The following RBFOX1 variants were observed in gnomAD, a reference collection of about 807,000 sequenced individuals.
The protein encoded by RBFOX1 is RNA binding fox-1 homolog 1, also known as RNA binding protein fox-1 homolog 1.
A neutral mutation model predicts 57.7 loss-of-function variants in RBFOX1; 8 were observed. The ratio of observed to expected loss-of-function variants is 0.14; its 90% CI spans 0.08 to 0.25. The LOEUF is 0.25. RBFOX1 is among the 10% of genes least tolerant of loss of function. RBFOX1 has a pLI of 1.00. For synonymous variants in RBFOX1, 326 were observed against 222.4 expected, an observed-to-expected ratio of 1.47 and a Z score of -4.15; for missense variants, 611 against 548.5, an observed-to-expected ratio of 1.11 and a Z score of -1.14.
intron 1 of RBFOX1, among the ~76,000 whole-genome samples, chr16:6,185,203 AT>A (rs1214127171): frequency 6.6e-6 from 1 of 152,174 alleles, no homozygotes; most frequent in Non-Finnish European, 1.5e-5. Flanking sequence ...ATTTAAAAAA[AT>A]TACCCTGTGA....
At chr16:7,129,104 C>A (rs918457301) in intron 4 of RBFOX1, among the ~76,000 whole-genome samples, 3 of 152,074 alleles carry the variant, frequency 2.0e-5, no homozygotes, top group Non-Finnish European at 4.4e-5. Flanking sequence ...CAGGTGTGAG[C>A]CACGGCACGC....
At chr16:6,183,300 G>A (rs1598151244) in intron 1 of RBFOX1, among the ~76,000 whole-genome samples, 1 of 151,754 alleles carries the variant, frequency 6.6e-6, no homozygotes, top group Non-Finnish European at 1.5e-5. Flanking sequence ...GTAACAAGGT[G>A]AAACCCTGTC....
At chr16:5,917,142 A>G (rs1166690350) in intron 4 of RBFOX1, among the ~76,000 whole-genome samples, 1 of 152,192 alleles carries the variant, frequency 6.6e-6, no homozygotes. Flanking sequence ...CCTCTGCTTT[A>G]GACAACCGCT....
At chr16:5,316,387 A>G (rs1477679349) in intron 1 of RBFOX1, among the ~76,000 whole-genome samples, 1 of 152,206 alleles carries the variant, frequency 6.6e-6, no homozygotes, top group East Asian at 1.9e-4. Context: ...TGCCCAGCAC[A>G]CTGCCCAGAA....
intron 3 of RBFOX1, among the ~76,000 whole-genome samples, chr16:6,951,606 G>C (rs1468727558): frequency 4.6e-5 from 7 of 152,012 alleles, no homozygotes; most frequent in African/African-American, 1.5e-4. Flanking sequence ...CTCTCCATGT[G>C]GTTTTTTCTC....
chr16:6,027,392 C>G (rs980118607), intron 1 of RBFOX1, among the ~76,000 whole-genome samples: 1 of 152,130 alleles, frequency 6.6e-6, no homozygotes, highest in African/African-American at 2.4e-5. Flanking sequence ...AGCAGAGGCA[C>G]CATGATAAGG....
At chr16:6,202,064 A>G (rs944478900) in intron 1 of RBFOX1, among the ~76,000 whole-genome samples, 1 of 152,206 alleles carries the variant, frequency 6.6e-6, no homozygotes, top group African/African-American at 2.4e-5. Context: ...AACTGCATTA[A>G]AAACAAAACA....
intron 3 of RBFOX1, among the ~76,000 whole-genome samples, chr16:6,911,130 A>G (rs6500871): frequency 0.76 from 115,578 of 151,122 alleles, 44,431 homozygotes; most frequent in East Asian, 0.93. Flanking sequence ...GAACCTGGGA[A>G]GTGGAAGTTG....
intron 14 of RBFOX1, among the ~76,000 whole-genome samples, chr16:7,700,020 G>C (rs917699863): frequency 2.6e-5 from 4 of 152,098 alleles, no homozygotes; most frequent in Admixed American, 2.6e-4. Flanking sequence ...TGGTGCTGTA[G>C]AGGGACATTC....
At chr16:5,993,267 T>C (rs1350794219) in intron 4 of RBFOX1, among the ~76,000 whole-genome samples, 7 of 152,138 alleles carry the variant, frequency 4.6e-5, no homozygotes, top group African/African-American at 1.7e-4. Flanking sequence ...AATTTCTCTT[T>C]CTTTTTGTAG....
At chr16:5,672,172 G>A (rs1332627034) in intron 3 of RBFOX1, among the ~76,000 whole-genome samples, 1 of 152,140 alleles carries the variant, frequency 6.6e-6, no homozygotes, top group African/African-American at 2.4e-5. Context: ...TGGCAGGGAT[G>A]GAAGGATTCC....
At chr16:7,417,105 C>T (rs1482812080) in intron 4 of RBFOX1, among the ~76,000 whole-genome samples, 2 of 152,156 alleles carry the variant, frequency 1.3e-5, no homozygotes, top group East Asian at 1.9e-4. Context: ...CATGGTGGCT[C>T]ACACCTGTAA....
chr16:6,806,233 G>A (rs920465654), intron 3 of RBFOX1, among the ~76,000 whole-genome samples: 1 of 152,172 alleles, frequency 6.6e-6, no homozygotes, highest in Non-Finnish European at 1.5e-5. Context: ...TCTATAGCCA[G>A]TATTTGTTTT....
chr16:5,405,849 G>A (rs990086372), intron 1 of RBFOX1, among the ~76,000 whole-genome samples: 19 of 152,122 alleles, frequency 1.2e-4, no homozygotes, highest in African/African-American at 4.3e-4. Flanking sequence ...TTCTATTTTT[G>A]AGTGTAGTTG....
At chr16:6,543,733 G>T (rs1014488204) in intron 2 of RBFOX1, among the ~76,000 whole-genome samples, 2 of 152,056 alleles carry the variant, frequency 1.3e-5, no homozygotes, top group Non-Finnish European at 2.9e-5. Flanking sequence ...TCACACCGAA[G>T]CATCTTAGAA....
chr16:6,873,396 T>A (rs529962867), intron 3 of RBFOX1, among the ~76,000 whole-genome samples: 27 of 152,126 alleles, frequency 1.8e-4, no homozygotes, highest in Admixed American at 1.8e-3. Context: ...GTAAGCAGAA[T>A]GCAATTAAAG....
chr16:5,982,888 A>T lies in RBFOX1; in HGVS notation c.351+115553A>T, dbSNP rs148973771. The stretch of plus-strand genomic sequence containing the variant: ...CTCAAGATGTAGCAGTGTCTGGCAG[A>T]TGAATGCTTTAATGAATCATGAGTG... On this transcript the variant is annotated intron_variant, in intron 4 of 19. Coordinates refer to the RBFOX1 transcript ENST00000641259. Among the ~76,000 whole-genome samples the T allele has an allele frequency of 3.1e-3, 476 of 152,332 alleles. 2 individuals carry two copies. The highest frequency in any genetic ancestry group is 0.011 in the African/African-American group (464 of 41,566).
At chr16:5,277,974 A>C (rs2063182444) in intron 1 of RBFOX1, among the ~76,000 whole-genome samples, 2 of 152,218 alleles carry the variant, frequency 1.3e-5, no homozygotes, top group African/African-American at 4.8e-5. Context: ...GTACGGGTAC[A>C]GGTATCCCGT....
At chr16:7,316,422 T>G (rs1462679087) in intron 4 of RBFOX1, among the ~76,000 whole-genome samples, 1 of 152,220 alleles carries the variant, frequency 6.6e-6, no homozygotes, top group Admixed American at 6.5e-5. Context: ...TTAAGTCACC[T>G]CAAATCTGAT....
Sources: allele counts gnomAD v4.1 joint callset (sites outside exome capture counted in the v4.1 genomes callset), GRCh38; gene constraint gnomAD v4.1.1; transcripts MANE v1.5; gene names NCBI Gene and HGNC (gene_info 2026-07-23, HGNC 2026-07-21).